Variants in PTPRO observed in about 807,000 individuals in gnomAD.
The protein encoded by PTPRO is receptor-type tyrosine-protein phosphatase O.
Under a neutral mutation model 145.2 loss-of-function variants are expected in PTPRO, and 62 were observed. The observed-to-expected ratio is 0.43, with a 90% CI of 0.35 to 0.53. PTPRO has a LOEUF of 0.53. Among genes scored for constraint, PTPRO ranks in the 20% least tolerant of loss-of-function variants. The pLI, the probability that PTPRO is intolerant of heterozygous loss-of-function variation, is 0.01. For synonymous variants in PTPRO, 565 were observed against 514.7 expected, an observed-to-expected ratio of 1.10 and a Z score of -1.32; for missense variants, 1,345 against 1,482.7, an observed-to-expected ratio of 0.91 and a Z score of 1.53.
intron 5 of PTPRO, among the ~76,000 whole-genome samples, 174 bp from the exon 6 acceptor site, chr12:15,503,734 T>A (rs1373130718): frequency 6.6e-6 from 1 of 152,188 alleles, no homozygotes; most frequent in Non-Finnish European, 1.5e-5. Flanking sequence ...GTAAAAATAC[T>A]GAACTCTTAT....
intron 1 of PTPRO, among the ~76,000 whole-genome samples, chr12:15,452,846 C>T (rs946347166): frequency 4.7e-4 from 72 of 152,184 alleles, no homozygotes; most frequent in African/African-American, 1.6e-3. Context: ...ATCATTACAA[C>T]CCAGGAAACA....
chr12:15,578,232 A>T (rs1944229807), intron 19 of PTPRO, among the ~76,000 whole-genome samples: 1 of 152,190 alleles, frequency 6.6e-6, no homozygotes, highest in Non-Finnish European at 1.5e-5. Context: ...AAAAAAGCCT[A>T]GATTTCTTCA....
chr12:15,533,768 T>C (rs750255273), intron 12 of PTPRO, among the ~76,000 whole-genome samples: 2 of 152,180 alleles, frequency 1.3e-5, no homozygotes, highest in Non-Finnish European at 2.9e-5. Context: ...AAATACAACT[T>C]TGGCACAGAT....
chr12:15,512,460 A>T (rs924749744), intron 7 of PTPRO, among the ~76,000 whole-genome samples: 2 of 152,156 alleles, frequency 1.3e-5, no homozygotes, highest in Admixed American at 6.5e-5. Flanking sequence ...TTAATAGCGT[A>T]TTATTTATGT....
rs1483988025 is a variant in PTPRO, at chr12:15,524,898, A to G, written c.1976A>G (p.Asp659Gly). The change falls in exon 11 of 27, where the codon GAC becomes GGC. Residue 659 changes from aspartate to glycine, a missense_variant. This residue lies in a region of PTPRO where 1,130 missense variants were observed against 1,214.7 expected (regional missense o/e 0.93). Coordinates refer to ENST00000281171, the MANE Select transcript of PTPRO (RefSeq NM_030667.3). ...TGGACATATGGGGATGATACAACGG[A>G]CTTGTCCCATTCTAGAATGCTTCAC... is the stretch of plus-strand genomic sequence containing the variant. ...ISWTYGDDTT[D>G]LSHSRMLHWM... 3.7e-6 allele frequency: 6 copies of G among 1,613,872 alleles called. No individual in the cohort carries two copies. The highest frequency in any genetic ancestry group is 2.7e-5 in the African/African-American group (2 of 75,048).
intron 7 of PTPRO, among the ~76,000 whole-genome samples, chr12:15,515,185 C>G (rs1400361810): frequency 6.6e-6 from 1 of 152,108 alleles, no homozygotes; most frequent in Non-Finnish European, 1.5e-5. Flanking sequence ...TCAAACTATC[C>G]TCATGGTATT....
chr12:15,378,253 C>A (rs1023115294), intron 1 of PTPRO, among the ~76,000 whole-genome samples: 8 of 151,758 alleles, frequency 5.3e-5, no homozygotes, highest in Non-Finnish European at 2.9e-5. Context: ...TGAAGCTAGA[C>A]TGACCAAGAA....
chr12:15,383,279 T>C (rs1237349114), intron 1 of PTPRO, among the ~76,000 whole-genome samples: 1 of 152,248 alleles, frequency 6.6e-6, no homozygotes, highest in Non-Finnish European at 1.5e-5. Flanking sequence ...TCTATCCATG[T>C]TGTCACAAAT....
At chr12:15,514,664 T>C (rs1942538721) in intron 7 of PTPRO, among the ~76,000 whole-genome samples, 1 of 152,124 alleles carries the variant, frequency 6.6e-6, no homozygotes, top group Admixed American at 6.5e-5. Flanking sequence ...ATATATGACC[T>C]TGGCCATTCT....
intron 1 of PTPRO, among the ~76,000 whole-genome samples, chr12:15,406,295 T>C (rs1273667388): frequency 1.3e-5 from 2 of 152,202 alleles, no homozygotes; most frequent in African/African-American, 4.8e-5. Flanking sequence ...GCATAACACA[T>C]GTAGGGATAC....
chr12:15,569,382 T>A, intron 18 of PTPRO, 35 bp from the exon 19 acceptor site: 2 of 1,529,016 alleles, frequency 1.3e-6, no homozygotes, highest in East Asian at 2.3e-5. Context: ...ACAAGAATTT[T>A]AAAATGTATG....
At chr12:15,514,492 G>A (rs1203390676) in intron 7 of PTPRO, among the ~76,000 whole-genome samples, 1 of 142,286 alleles carries the variant, frequency 7.0e-6, no homozygotes, top group Non-Finnish European at 1.5e-5. Context: ...AGTAAAGAAG[G>A]TCTCATGTAA....
At chr12:15,581,869 G>A in intron 23 of PTPRO, 68 bp downstream of exon 23, 1 of 1,605,164 alleles carries the variant, frequency 6.2e-7, no homozygotes, top group Non-Finnish European at 8.5e-7. Flanking sequence ...TTTGGTCGGG[G>A]AGACCCTAAC....
At chr12:15,333,804 T>C (rs74333302) in intron 1 of PTPRO, among the ~76,000 whole-genome samples, 213 of 152,296 alleles carry the variant, frequency 1.4e-3, no homozygotes, top group Non-Finnish European at 2.2e-3. Context: ...GACCCTTTTT[T>C]TTCTCTTTAT....
intron 1 of PTPRO, among the ~76,000 whole-genome samples, chr12:15,374,208 C>G (rs1938614413): frequency 2.6e-5 from 4 of 152,008 alleles, no homozygotes. Flanking sequence ...AACTGGGTCA[C>G]TGAAATACTG....
intron 1 of PTPRO, among the ~76,000 whole-genome samples, chr12:15,385,831 A>AAG (rs1939009786): frequency 6.6e-6 from 1 of 150,498 alleles, no homozygotes; most frequent in Non-Finnish European, 1.5e-5. Flanking sequence ...AAAAAAAAAA[A>AAG]AAGAAGAAGA....
intron 1 of PTPRO, among the ~76,000 whole-genome samples, chr12:15,465,691 A>T (rs978164044): frequency 6.6e-6 from 1 of 152,194 alleles, no homozygotes; most frequent in Non-Finnish European, 1.5e-5. Context: ...GGATATTTCA[A>T]CAAGAAGGAA....
chr12:15,460,626 A>AG (rs1267889698), intron 1 of PTPRO, among the ~76,000 whole-genome samples: 1 of 152,170 alleles, frequency 6.6e-6, no homozygotes, highest in Non-Finnish European at 1.5e-5. Context: ...GAGCCAACCT[A>AG]GGTAAGCTAT....
intron 7 of PTPRO, among the ~76,000 whole-genome samples, chr12:15,514,774 G>GT (rs1038394579): frequency 6.6e-5 from 10 of 151,380 alleles, no homozygotes; most frequent in Admixed American, 1.3e-4. Flanking sequence ...TTTTATTTTT[G>GT]TTTTTTTGAG....
Sources: gnomAD v4.1 joint callset for allele counts (sites outside exome capture counted in the v4.1 genomes callset) on GRCh38, gnomAD v4.1.1 for gene constraint, gnomAD v4.1.1 regional missense constraint, MANE v1.5 for transcripts, NCBI Gene and HGNC (gene_info 2026-07-23, HGNC 2026-07-21) for gene names.